SHROOM4: variants seen among roughly 807,000 people sequenced by gnomAD.
SHROOM4 encodes the protein shroom family member 4, also known as protein Shroom4.
SHROOM4 carries 17 observed loss-of-function variants against 80.3 expected under a neutral mutation model. That is an observed-to-expected ratio of 0.21 (90% CI 0.14 to 0.32). SHROOM4 has a LOEUF of 0.32. SHROOM4 is among the 10% of genes least tolerant of loss of function. The probability of loss-of-function intolerance (pLI) is 1.00; values close to 1 mark genes in which losing one functional copy is unlikely to be tolerated. For missense variants in SHROOM4, 993 were observed against 1,140.3 expected (o/e 0.87, Z 1.86); for synonymous variants, 400 against 437.5 (o/e 0.91, Z 1.07).
At chrX:50,721,302 AG>A (rs1479701285) in intron 1 of SHROOM4, among the ~76,000 whole-genome samples, 3 of 112,701 alleles carry the variant, frequency 2.7e-5, no homozygotes, top group Admixed American at 1.9e-4. Context: ...AAGGAAGTAA[AG>A]GAATAAGGAA....
intron 1 of SHROOM4, among the ~76,000 whole-genome samples, chrX:50,772,736 T>C (rs1376864524): frequency 1.8e-5 from 2 of 111,921 alleles, no homozygotes; most frequent in African/African-American, 6.5e-5. Flanking sequence ...ATCTCACAAA[T>C]GCAAAGACAG....
intron 4 of SHROOM4, among the ~76,000 whole-genome samples, chrX:50,628,962 T>C (rs1930931156): frequency 8.9e-6 from 1 of 111,917 alleles, no homozygotes; most frequent in African/African-American, 3.2e-5. Context: ...TCTGCCTCGA[T>C]GCCCTTGTGA....
At chrX:50,760,591 G>C (rs1471111196) in intron 1 of SHROOM4, among the ~76,000 whole-genome samples, 1 of 111,049 alleles carries the variant, frequency 9.0e-6, no homozygotes, top group Non-Finnish European at 1.9e-5. Context: ...TCCTGCCTCA[G>C]CCTTCCAAGT....
At chrX:50,641,209 G>T (rs17003378) in intron 2 of SHROOM4, among the ~76,000 whole-genome samples, 10,483 of 111,765 alleles carry the variant, frequency 0.094, 1,205 homozygotes, top group African/African-American at 0.32. Flanking sequence ...CATTTCATGT[G>T]TGTCAGTCTC....
intron 5 of SHROOM4, among the ~76,000 whole-genome samples, chrX:50,618,390 T>C (rs1373577466): frequency 1.5e-5 from 1 of 67,626 alleles, no homozygotes; most frequent in Non-Finnish European, 2.7e-5. Context: ...CTTCCTTCCT[T>C]CCTTCCTTCC....
chrX:50,657,428 T>C (rs1351797471), intron 2 of SHROOM4, among the ~76,000 whole-genome samples: 1 of 110,477 alleles, frequency 9.1e-6, no homozygotes, highest in Non-Finnish European at 1.9e-5. Context: ...ACATTCCTTC[T>C]ACACCTAATT....
rs1602348951 is a variant in SHROOM4, at chrX:50,595,839, G to A, written c.*856C>T. 1 of 322,642 alleles carries A rather than the reference G, an allele frequency of 3.1e-6. No homozygotes were observed. Among genetic ancestry groups the A allele is most frequent in the African/African-American group, 2.7e-5 (1 of 37,578 alleles). 26.6% of individuals were successfully genotyped at this position (322,642 alleles called of 1,213,427 possible). A position where few individuals can be genotyped will look rare whatever the true frequency, so the allele number is the denominator to read the frequency against. On this transcript the variant is annotated 3_prime_UTR_variant, in exon 9 of 9. Transcript: ENST00000376020. The stretch of plus-strand genomic sequence containing the variant: ...ACATAAAAATAAATAAAATCAAAAG[G>A]CCATTTAAAATATAACAATAAGAAC...
intron 1 of SHROOM4, among the ~76,000 whole-genome samples, chrX:50,703,292 G>C (rs17003181): frequency 9.0e-6 from 1 of 111,352 alleles, no homozygotes; most frequent in Non-Finnish European, 1.9e-5. Context: ...ATCCAATGTT[G>C]GAGCCATCTA....
intron 1 of SHROOM4, among the ~76,000 whole-genome samples, chrX:50,766,880 C>T (rs1471460115): frequency 1.8e-5 from 2 of 110,863 alleles, no homozygotes; most frequent in Non-Finnish European, 3.8e-5. Flanking sequence ...AGGTCATTAC[C>T]CAGATTTTAC....
chrX:50,690,225 G>T (rs782314661), intron 2 of SHROOM4, among the ~76,000 whole-genome samples: 12 of 111,695 alleles, frequency 1.1e-4, no homozygotes, highest in African/African-American at 3.9e-4. Context: ...AGTTCTCTGA[G>T]ATTTTCAAAT....
chrX:50,807,593 G>A lies in SHROOM4; in HGVS notation c.117+6309C>T, dbSNP rs1936252509. Among the ~76,000 whole-genome samples the A allele has an allele frequency of 1.8e-5, 2 of 111,899 alleles. 1 individual carries two copies. The highest frequency in any genetic ancestry group is 7.4e-4 in the South Asian group (2 of 2,690). Reference sequence around the variant, plus strand: ...CTGACTTTGACACTATTCATTAAATGCCATTTCCTTCTTCTATTATACAAA... The same window carrying A: ...CTGACTTTGACACTATTCATTAAATACCATTTCCTTCTTCTATTATACAAA... On this transcript the variant is annotated intron_variant, in intron 1 of 8. Transcript: ENST00000376020.
chrX:50,712,569 C>T (rs186299591), intron 1 of SHROOM4, among the ~76,000 whole-genome samples: 3 of 111,101 alleles, frequency 2.7e-5, no homozygotes, highest in Non-Finnish European at 3.8e-5. Flanking sequence ...ATTACGTACC[C>T]CAAAATTAAT....
chrX:50,688,936 CTG>C (rs782185093), intron 2 of SHROOM4, among the ~76,000 whole-genome samples: 1 of 111,152 alleles, frequency 9.0e-6, no homozygotes, highest in Admixed American at 9.6e-5. Context: ...ATTTGAAAGA[CTG>C]TTTTTAAATA....
intron 1 of SHROOM4, among the ~76,000 whole-genome samples, chrX:50,703,505 T>C (rs1168936495): frequency 1.8e-5 from 2 of 111,867 alleles, no homozygotes; most frequent in Non-Finnish European, 3.8e-5. Flanking sequence ...TTAGGCTCTG[T>C]GTTCCCACCC....
chrX:50,711,661 G>C (rs1358035479), intron 1 of SHROOM4, among the ~76,000 whole-genome samples: 1 of 112,083 alleles, frequency 8.9e-6, no homozygotes, highest in Non-Finnish European at 1.9e-5. Context: ...TGAGTGAATA[G>C]AGAAAATCAA....
chrX:50,786,958 TG>T (rs1375375472), intron 1 of SHROOM4, among the ~76,000 whole-genome samples: 65 of 111,673 alleles, frequency 5.8e-4, no homozygotes, highest in African/African-American at 1.9e-3. Context: ...GGCTCATGCC[TG>T]TAATCCCAGC....
chrX:50,730,194 G>A lies in SHROOM4; in HGVS notation c.118-34257C>T, dbSNP rs781887142. Among the ~76,000 whole-genome samples the A allele has an allele frequency of 3.7e-3, 414 of 111,268 alleles. 1 individual carries two copies. Among genetic ancestry groups the A allele is most frequent in the Middle Eastern group, 9.4e-3 (2 of 212 alleles). On this transcript the variant is annotated intron_variant, in intron 1 of 8. Coordinates refer to ENST00000376020, the MANE Select transcript of SHROOM4 (RefSeq NM_020717.5). ...TATAATCTCAGCACTTTGGGAGGCCGAGGCGGGCGGATCACCTGAGGTTGG... is the reference window on the plus strand; with the variant it reads ...TATAATCTCAGCACTTTGGGAGGCCAAGGCGGGCGGATCACCTGAGGTTGG...
intron 1 of SHROOM4, among the ~76,000 whole-genome samples, chrX:50,757,161 G>A (rs1003035674): frequency 7.1e-5 from 8 of 111,994 alleles, no homozygotes; most frequent in African/African-American, 2.6e-4. Flanking sequence ...GAGTTAATTG[G>A]TGTGTATGGT....
chrX:50,683,174 A>G (rs1282970317), intron 2 of SHROOM4, among the ~76,000 whole-genome samples: 33 of 111,043 alleles, frequency 3.0e-4, no homozygotes, highest in Admixed American at 9.6e-5. Context: ...CTTTATATAT[A>G]TGTGTGTGTG....
Sources: allele counts gnomAD v4.1 joint callset (sites outside exome capture counted in the v4.1 genomes callset), GRCh38; gene constraint gnomAD v4.1.1; transcripts MANE v1.5; gene names NCBI Gene and HGNC (gene_info 2026-07-23, HGNC 2026-07-21).